TERB2: variants seen among roughly 807,000 people sequenced by gnomAD.
The protein encoded by TERB2 is telomere repeat binding bouquet formation protein 2, also known as telomere repeats-binding bouquet formation protein 2.
TERB2 carries 26 observed loss-of-function variants against 29.8 expected under a neutral mutation model. The observed-to-expected ratio is 0.87, with a 90% CI of 0.64 to 1.21. The LOEUF (loss-of-function observed/expected upper bound fraction) is 1.21. Among genes scored for constraint, TERB2 ranks in the 50% most tolerant of loss-of-function variants. The probability of loss-of-function intolerance (pLI) is 0.00; values close to 1 mark genes in which losing one functional copy is unlikely to be tolerated. For missense variants in TERB2, 240 were observed against 268.6 expected, an observed-to-expected ratio of 0.89 and a Z score of 0.74; for synonymous variants, 80 against 90.8, an observed-to-expected ratio of 0.88 and a Z score of 0.68.
chr15:44,963,172 C>T (rs1891833203), intron 4 of TERB2, among the ~76,000 whole-genome samples: 2 of 152,152 alleles, frequency 1.3e-5, no homozygotes, highest in South Asian at 4.1e-4. Context: ...CTCAAATTAT[C>T]ACCCACAGAT....
chr15:44,959,286 T>A (rs1308022276), intron 3 of TERB2, among the ~76,000 whole-genome samples: 1 of 152,108 alleles, frequency 6.6e-6, no homozygotes, highest in African/African-American at 2.4e-5. Context: ...CTTCTGAGAT[T>A]GGTTCTTTTA....
At chr15:44,969,209 CT>C (rs1176042605) in intron 5 of TERB2, among the ~76,000 whole-genome samples, 1 of 152,084 alleles carries the variant, frequency 6.6e-6, no homozygotes, top group African/African-American at 2.4e-5. Context: ...GTTCAAGCAA[CT>C]TTCGTGCCTC....
At chr15:44,972,068 C>G (rs8023290) in intron 5 of TERB2, among the ~76,000 whole-genome samples, 10 of 144,670 alleles carry the variant, frequency 6.9e-5, no homozygotes, top group African/African-American at 2.6e-4. Flanking sequence ...TGGCTCACTG[C>G]AACCTCCGCC....
rs34438861 is a variant in TERB2 at position 44,963,804 on chromosome 15, C to CTTTTTTTT, written c.348+2237_348+2244dup. On this transcript the variant is annotated intron_variant, in intron 4 of 6. Coordinates refer to ENST00000340827, the MANE Select transcript of TERB2 (RefSeq NM_152448.3). ...GGTATATGGTATTTATTATACTATT[C>CTTTTTTTT]TTTTTTTTTTTTTTTTTTTTTTTTG... Among the ~76,000 whole-genome samples the CTTTTTTTT allele has an allele frequency of 5.2e-3, 410 of 79,144 alleles. 7 individuals are homozygous for CTTTTTTTT. Among genetic ancestry groups the CTTTTTTTT allele is most frequent in the Middle Eastern group, 9.8e-3 (1 of 102 alleles). 51.9% of individuals were successfully genotyped at this position (79,144 alleles called of 152,430 possible). A position where few individuals can be genotyped will look rare whatever the true frequency, so the allele number is the denominator to read the frequency against.
At chr15:44,977,756 C>T (rs531062657) in intron 6 of TERB2, among the ~76,000 whole-genome samples, 13 of 152,156 alleles carry the variant, frequency 8.5e-5, no homozygotes, top group Admixed American at 2.0e-4. Context: ...TTGAGCTCTA[C>T]CAGAATTTTT....
At chr15:44,966,768 A>T (rs1377527810) in intron 5 of TERB2, among the ~76,000 whole-genome samples, 1 of 152,210 alleles carries the variant, frequency 6.6e-6, no homozygotes, top group African/African-American at 2.4e-5. Context: ...GTGATTTCCC[A>T]TCTTCTTTCC....
intron 5 of TERB2, among the ~76,000 whole-genome samples, chr15:44,972,557 T>C (rs1891986726): frequency 6.7e-6 from 1 of 149,238 alleles, no homozygotes; most frequent in East Asian, 2.0e-4. Flanking sequence ...CTCTGTCACC[T>C]AGGCTAGAGT....
At chr15:44,975,545 A>G (rs1436151963) in intron 6 of TERB2, among the ~76,000 whole-genome samples, 1 of 152,190 alleles carries the variant, frequency 6.6e-6, no homozygotes, top group Non-Finnish European at 1.5e-5. Context: ...TATAGAAAAT[A>G]CAAGTTGGGG....
rs1470836680 is a variant in TERB2 at position 44,958,409 on chromosome 15, T to C, written c.183T>C (p.Ala61=). The C allele has an allele frequency of 1.9e-6, 3 of 1,614,060 alleles. No individual in the cohort carries two copies. The highest frequency in any genetic ancestry group is 1.7e-5 in the Admixed American group (1 of 60,004). Residue 61 remains alanine, a synonymous_variant, in exon 3 of 7, where the codon GCT becomes GCC. Transcript: ENST00000340827. ...GCCTTGATTACATAGAAGATAATGC[T>C]ACAGTTTTTCATGCCTACTATCTCT... ...YQSLDYIEDN[A]TVFHAYYLSA...
chr15:44,968,183 A>G (rs1891914986), intron 5 of TERB2, among the ~76,000 whole-genome samples: 1 of 150,422 alleles, frequency 6.6e-6, no homozygotes, highest in Non-Finnish European at 1.5e-5. Flanking sequence ...TAAAATCCTA[A>G]TTTCTCCCAA....
rs1354365662 is a variant in TERB2 at position 44,956,881 on chromosome 15, C to G, written c.65-15C>G. 3 of 1,613,758 alleles carry G rather than the reference C, an allele frequency of 1.9e-6. No homozygotes were observed. The African/African-American group carries it at 4.0e-5, about 22-fold the overall frequency. The stretch of plus-strand genomic sequence containing the variant: ...GGGTGCTTGATAGGTTCACCCTGTG[C>G]TCTTACCTCCACAGTGGCTGAAGGG... On this transcript the variant is annotated splice_polypyrimidine_tract_variant and intron_variant, in intron 1 of 6. Transcript: ENST00000340827.
At chr15:44,957,102 T>C (rs1344063308) in intron 2 of TERB2, 125 bp downstream of exon 2, 1 of 1,013,278 alleles carries the variant, frequency 9.9e-7, no homozygotes, top group Admixed American at 2.1e-5. Flanking sequence ...TAATCCCAGC[T>C]ACTGGGAAGA....
chr15:44,956,741 GGTTTT>G lies in TERB2; in HGVS notation c.25_29del (p.Phe9ArgfsTer4), dbSNP rs1347618494. 6.2e-7 allele frequency: 1 copy of G among 1,612,462 alleles called. No individual in the cohort carries two copies. Among genetic ancestry groups the G allele is most frequent in the South Asian group, 1.1e-5 (1 of 90,994 alleles). ...GCCATGTTTCAAGGGCAGCGCGGTT[GGTTTT>G]GCGGCAGCGTTAGCCAGGATCTGAG... On this transcript the variant is annotated frameshift_variant, in exon 1 of 7. Coordinates refer to ENST00000340827, the MANE Select transcript of TERB2 (RefSeq NM_152448.3). LOFTEE classifies it high-confidence loss of function.
In TERB2 at chr15:44,978,821, A is replaced by T. The variant is rs372153147; in HGVS notation, c.*193A>T. 1 of 653,692 alleles carries T rather than the reference A, an allele frequency of 1.5e-6. No individual in the cohort carries two copies. 40.5% of individuals were successfully genotyped at this position (653,692 alleles called of 1,614,324 possible). Reference sequence around the variant, plus strand: ...TTTGACATTTTTCCCCTAGCTTTTAACAACATGTTCAAATATTCTCAATGC... The same window carrying T: ...TTTGACATTTTTCCCCTAGCTTTTATCAACATGTTCAAATATTCTCAATGC... On this transcript the variant is annotated 3_prime_UTR_variant, in exon 7 of 7. Coordinates refer to ENST00000340827, the MANE Select transcript of TERB2 (RefSeq NM_152448.3).
chr15:44,972,646 G>A (rs1003354431), intron 5 of TERB2, among the ~76,000 whole-genome samples: 5 of 150,982 alleles, frequency 3.3e-5, no homozygotes, highest in Non-Finnish European at 7.4e-5. Context: ...CTCCCGAATA[G>A]CTGGGATTAC....
In TERB2 at chr15:44,975,587, G is replaced by A. The variant is rs190767963; in HGVS notation, c.523+1632G>A. Reference sequence around the variant, plus strand: ...CCTAGAACAGGGTTTCTCAGTTTTGGCGCTACTGGCATTTTAGGCCAGATA... The same window carrying A: ...CCTAGAACAGGGTTTCTCAGTTTTGACGCTACTGGCATTTTAGGCCAGATA... On this transcript the variant is annotated intron_variant, in intron 6 of 6. Coordinates refer to ENST00000340827, the MANE Select transcript of TERB2 (RefSeq NM_152448.3). Among the ~76,000 whole-genome samples, 5 of 152,082 alleles carry A rather than the reference G, an allele frequency of 3.3e-5. No homozygotes were observed. The East Asian group carries it at 9.7e-4, about 29-fold the overall frequency.
rs149180658 is a variant in TERB2 at position 44,956,727 on chromosome 15, A to G, written c.9A>G (p.Gln3=). 130 of 1,606,810 alleles carry G rather than the reference A, an allele frequency of 8.1e-5. No individual in the cohort carries two copies. The African/African-American group carries it at 1.5e-3, about 18-fold the overall frequency. ...ACAGGCTTGGCGACGCCATGTTTCA[A>G]GGGCAGCGCGGTTGGTTTTGCGGCA... The part of the protein sequence containing the change: MF[Q]GQRGWFCGSV... The change falls in exon 1 of 7, where the codon CAA becomes CAG. Residue 3 remains glutamine, a synonymous_variant. Transcript: ENST00000340827.
At chr15:44,972,505 A>T (rs1248303891) in intron 5 of TERB2, among the ~76,000 whole-genome samples, 1 of 144,028 alleles carries the variant, frequency 6.9e-6, no homozygotes, top group Non-Finnish European at 1.5e-5. Flanking sequence ...CTTTTAGTTG[A>T]GATCCTTTTA....
Position 44,958,628 on chromosome 15 carries a change from G to A in TERB2, c.286+116G>A, listed in dbSNP as rs754547288. On this transcript the variant is annotated intron_variant, in intron 3 of 6. Coordinates refer to ENST00000340827, the MANE Select transcript of TERB2 (RefSeq NM_152448.3). ...TCTCAGTCACATATTTTTGAATTTT[G>A]TATCTATTTAACATAAGTGGAAAAA... 23 of 1,161,874 alleles carry A rather than the reference G, an allele frequency of 2.0e-5. No homozygotes were observed. The Admixed American group carries it at 4.6e-4, about 23-fold the overall frequency. 72.0% of individuals were successfully genotyped at this position (1,161,874 alleles called of 1,614,324 possible). A position where few individuals can be genotyped will look rare whatever the true frequency, so the allele number is the denominator to read the frequency against.
Sources: allele counts gnomAD v4.1 joint callset (sites outside exome capture counted in the v4.1 genomes callset), GRCh38; gene constraint gnomAD v4.1.1; transcripts MANE v1.5; gene names NCBI Gene and HGNC (gene_info 2026-07-23, HGNC 2026-07-21).